Variants in OPCML observed in about 807,000 individuals in gnomAD.
OPCML encodes opioid-binding protein/cell adhesion molecule.
Under a neutral mutation model 37.8 loss-of-function variants are expected in OPCML, and 13 were observed. The ratio of observed to expected loss-of-function variants is 0.34; its 90% confidence interval spans 0.22 to 0.55. The LOEUF (loss-of-function observed/expected upper bound fraction) is 0.55, where lower values mean the gene tolerates loss of function less well. OPCML is among the 20% of genes least tolerant of loss of function. OPCML has a pLI of 0.91. For synonymous variants in OPCML, 176 were observed against 168.8 expected (o/e 1.04, Z -0.33); for missense variants, 341 against 435.6 (o/e 0.78, Z 1.93).
intron 7 of OPCML, among the ~76,000 whole-genome samples, chr11:132,425,964 A>G (rs573616606): frequency 6.6e-6 from 1 of 152,252 alleles, no homozygotes; most frequent in Non-Finnish European, 1.5e-5. Context: ...AAATATTTTC[A>G]GGGATAAATG....
At chr11:132,574,450 T>C (rs1268093991) in intron 3 of OPCML, among the ~76,000 whole-genome samples, 1 of 151,804 alleles carries the variant, frequency 6.6e-6, no homozygotes, top group Non-Finnish European at 1.5e-5. Context: ...TAAGTTTTTG[T>C]ATATCGTATC....
At chr11:132,965,245 T>C (rs935422884) in intron 1 of OPCML, among the ~76,000 whole-genome samples, 2 of 152,190 alleles carry the variant, frequency 1.3e-5, no homozygotes. Context: ...CATTTCTCTC[T>C]CTCTCTCTTT....
At chr11:133,148,462 A>T (rs1949928730) in intron 1 of OPCML, among the ~76,000 whole-genome samples, 1 of 152,232 alleles carries the variant, frequency 6.6e-6, no homozygotes, top group African/African-American at 2.4e-5. Flanking sequence ...AACAAGAGGG[A>T]GGGAAGTATC....
At chr11:132,939,426 A>G (rs1025691109) in intron 2 of OPCML, among the ~76,000 whole-genome samples, 3 of 152,368 alleles carry the variant, frequency 2.0e-5, no homozygotes, top group Admixed American at 6.5e-5. Flanking sequence ...ATCCCAGATC[A>G]GCAAGCCTGG....
At chr11:133,292,484 T>C (rs977658399) in intron 1 of OPCML, among the ~76,000 whole-genome samples, 1 of 152,172 alleles carries the variant, frequency 6.6e-6, no homozygotes, top group Non-Finnish European at 1.5e-5. Flanking sequence ...AATAAAGATA[T>C]ACAGTTTGAT....
At chr11:132,971,968 G>A (rs771820292) in intron 1 of OPCML, among the ~76,000 whole-genome samples, 15 of 152,202 alleles carry the variant, frequency 9.9e-5, no homozygotes, top group Non-Finnish European at 1.6e-4. Context: ...CTCTTGGCAA[G>A]CATCAATGTG....
At chr11:132,981,305 T>C (rs1946578054) in intron 1 of OPCML, among the ~76,000 whole-genome samples, 1 of 152,124 alleles carries the variant, frequency 6.6e-6, no homozygotes, top group Admixed American at 6.5e-5. Context: ...GTGGTTTCTG[T>C]AGATAAGGCC....
At chr11:133,204,835 T>A (rs147027152) in intron 1 of OPCML, among the ~76,000 whole-genome samples, 1,841 of 146,112 alleles carry the variant, frequency 0.013, 23 homozygotes, top group Middle Eastern at 0.036. Context: ...TTACTTTTTG[T>A]ATTATTGTGA....
chr11:132,430,077 A>G (rs1452082713), intron 7 of OPCML, among the ~76,000 whole-genome samples: 1 of 152,148 alleles, frequency 6.6e-6, no homozygotes, highest in East Asian at 1.9e-4. Context: ...TAGCTGAGGC[A>G]TAAGTAGGTT....
At chr11:133,032,621 T>G (rs867071205) in intron 1 of OPCML, among the ~76,000 whole-genome samples, 40 of 152,164 alleles carry the variant, frequency 2.6e-4, no homozygotes, top group Admixed American at 1.6e-3. Context: ...CCAACAATAA[T>G]CCCACATACA....
At chr11:132,817,773 A>C (rs915609504) in intron 2 of OPCML, among the ~76,000 whole-genome samples, 2 of 152,194 alleles carry the variant, frequency 1.3e-5, no homozygotes, top group African/African-American at 4.8e-5. Context: ...CGCCAAAAAA[A>C]AAATGTAATG....
intron 1 of OPCML, among the ~76,000 whole-genome samples, chr11:133,339,829 G>C (rs181371555): frequency 6.6e-6 from 1 of 152,244 alleles, no homozygotes; most frequent in East Asian, 1.9e-4. Flanking sequence ...TGTAGCCCTC[G>C]TAGAATCTTG....
At chr11:132,640,278 G>A (rs985516257) in intron 3 of OPCML, among the ~76,000 whole-genome samples, 19 of 152,134 alleles carry the variant, frequency 1.2e-4, no homozygotes, top group Admixed American at 3.3e-4. Context: ...ACATCAGTGC[G>A]TGGCTTGGTA....
chr11:133,263,300 G>A (rs1480860573), intron 1 of OPCML, among the ~76,000 whole-genome samples: 2 of 152,116 alleles, frequency 1.3e-5, no homozygotes, highest in African/African-American at 4.8e-5. Context: ...GTGAACGACA[G>A]ACTGAATATC....
At chr11:133,000,662 C>T (rs1389335506) in intron 1 of OPCML, among the ~76,000 whole-genome samples, 1 of 152,154 alleles carries the variant, frequency 6.6e-6, no homozygotes, top group Non-Finnish European at 1.5e-5. Context: ...GCATAGAAAC[C>T]ACACTCTCTT....
At chr11:133,320,296 CCCCT>C (rs1380799808) in intron 1 of OPCML, among the ~76,000 whole-genome samples, 4 of 152,148 alleles carry the variant, frequency 2.6e-5, no homozygotes, top group African/African-American at 9.7e-5. Context: ...TTACCCATCG[CCCCT>C]CCTATTCAAT....
chr11:132,964,607 C>T (rs2078946250), intron 1 of OPCML, among the ~76,000 whole-genome samples: 2 of 152,136 alleles, frequency 1.3e-5, no homozygotes, highest in Non-Finnish European at 2.9e-5. Context: ...CAAACCTGCT[C>T]ACCAGTCCTC....
At chr11:133,510,789 C>A (rs901824488) in intron 1 of OPCML, among the ~76,000 whole-genome samples, 3 of 152,154 alleles carry the variant, frequency 2.0e-5, no homozygotes, top group Non-Finnish European at 2.9e-5. Flanking sequence ...TTCCCCAGAG[C>A]TGCATGTTGG....
chr11:132,683,353 T>A (rs1193272040), intron 2 of OPCML, among the ~76,000 whole-genome samples: 1 of 152,146 alleles, frequency 6.6e-6, no homozygotes, highest in African/African-American at 2.4e-5. Context: ...CCAGCCTGGG[T>A]GAGAGAGTGA....
Sources: allele counts gnomAD v4.1 joint callset (sites outside exome capture counted in the v4.1 genomes callset), GRCh38; gene constraint gnomAD v4.1.1; transcripts MANE v1.5; gene names NCBI Gene and HGNC (gene_info 2026-07-23, HGNC 2026-07-21).